The following DCC variants were observed in gnomAD, a reference collection of about 807,000 sequenced individuals.
The protein encoded by DCC is DCC netrin 1 receptor, also known as netrin receptor DCC.
DCC carries 58 observed loss-of-function variants against 172.5 expected under a neutral mutation model. That is an observed-to-expected ratio of 0.34 (90% CI 0.27 to 0.42). The LOEUF (loss-of-function observed/expected upper bound fraction) is 0.42, where lower values mean the gene tolerates loss of function less well. DCC is among the 10% of genes least tolerant of loss of function. The pLI is 1.00. For missense variants in DCC, 1,740 were observed against 1,791.0 expected (o/e 0.97, Z 0.51); for synonymous variants, 709 against 644.5 (o/e 1.10, Z -1.52).
At chr18:53,257,865 A>G (rs2056542088) in intron 12 of DCC, among the ~76,000 whole-genome samples, 1 of 152,182 alleles carries the variant, frequency 6.6e-6, no homozygotes, top group African/African-American at 2.4e-5. Context: ...TTGGTAAGCT[A>G]TTAATTGTTG....
intron 1 of DCC, among the ~76,000 whole-genome samples, chr18:52,360,090 G>T (rs1427410866): frequency 1.3e-5 from 2 of 151,410 alleles, no homozygotes; most frequent in African/African-American, 2.4e-5. Flanking sequence ...TTATTTTTTT[G>T]CAAATCACAT....
At chr18:52,483,116 T>C (rs545209437) in intron 1 of DCC, among the ~76,000 whole-genome samples, 4 of 152,210 alleles carry the variant, frequency 2.6e-5, no homozygotes, top group Non-Finnish European at 5.9e-5. Flanking sequence ...TCCCTCTTCA[T>C]ATGGCCTTCT....
intron 12 of DCC, among the ~76,000 whole-genome samples, chr18:53,249,194 G>T (rs537646713): frequency 6.6e-6 from 1 of 152,078 alleles, no homozygotes; most frequent in African/African-American, 2.4e-5. Context: ...AGTTTGCAGA[G>T]TTGGTTCACT....
chr18:53,336,168 A>G (rs1369277382), intron 14 of DCC, among the ~76,000 whole-genome samples: 1 of 152,194 alleles, frequency 6.6e-6, no homozygotes, highest in Non-Finnish European at 1.5e-5. Flanking sequence ...CATATGTGCA[A>G]GCAGCATCTT....
chr18:52,734,970 A>G (rs2145100908), intron 1 of DCC, among the ~76,000 whole-genome samples: 1 of 152,314 alleles, frequency 6.6e-6, no homozygotes, highest in East Asian at 1.9e-4. Flanking sequence ...AATTCTTATA[A>G]GAAAATGCCT....
At chr18:53,261,796 G>T (rs560578476) in intron 12 of DCC, among the ~76,000 whole-genome samples, 20 of 152,122 alleles carry the variant, frequency 1.3e-4, no homozygotes, top group Admixed American at 2.6e-4. Context: ...ACTGCGACCG[G>T]CCATTTATGA....
At chr18:52,481,752 G>A (rs980222779) in intron 1 of DCC, among the ~76,000 whole-genome samples, 1 of 151,928 alleles carries the variant, frequency 6.6e-6, no homozygotes, top group African/African-American at 2.4e-5. Flanking sequence ...TGCTGTGTAT[G>A]TTGCCTCAAG....
intron 2 of DCC, among the ~76,000 whole-genome samples, chr18:52,899,521 T>C (rs1441876457): frequency 2.0e-5 from 3 of 151,840 alleles, no homozygotes; most frequent in Admixed American, 1.3e-4. Context: ...GCCCATCTAA[T>C]TTTTTGTATT....
chr18:53,009,817 C>T (rs376514094), intron 5 of DCC, among the ~76,000 whole-genome samples: 2 of 151,848 alleles, frequency 1.3e-5, no homozygotes, highest in Non-Finnish European at 2.9e-5. Context: ...CATATGCTTC[C>T]CCTGCAGGCT....
intron 2 of DCC, among the ~76,000 whole-genome samples, chr18:52,757,511 C>T (rs2037094841): frequency 6.6e-6 from 1 of 152,132 alleles, no homozygotes; most frequent in South Asian, 2.1e-4. Flanking sequence ...ACCCACACAG[C>T]TCCTTGTCCA....
chr18:53,451,710 G>GCTCT (rs371232356), intron 23 of DCC, among the ~76,000 whole-genome samples: 15,800 of 147,284 alleles, frequency 0.11, 1,808 homozygotes, highest in African/African-American at 0.29. Flanking sequence ...GCTCGCTCTT[G>GCTCT]CTCTCTCTCT....
intron 7 of DCC, among the ~76,000 whole-genome samples, chr18:53,137,115 A>G (rs1479318776): frequency 6.6e-6 from 1 of 152,228 alleles, no homozygotes; most frequent in Non-Finnish European, 1.5e-5. Context: ...ATTAGTGTAT[A>G]ACAAATTACT....
chr18:53,321,714 G>T (rs541857433), intron 13 of DCC, among the ~76,000 whole-genome samples: 1 of 151,972 alleles, frequency 6.6e-6, no homozygotes, highest in African/African-American at 2.4e-5. Flanking sequence ...ATTTATAGAC[G>T]TGGATCTTCT....
chr18:52,636,622 GGTATACAACTCCA>G (rs937231695), intron 1 of DCC, among the ~76,000 whole-genome samples: 69 of 152,078 alleles, frequency 4.5e-4, no homozygotes, highest in African/African-American at 1.6e-3. Flanking sequence ...AATCCTCCTA[GGTATACAACTCCA>G]GTATACAACT....
intron 5 of DCC, among the ~76,000 whole-genome samples, chr18:52,998,875 A>G (rs889771153): frequency 2.0e-5 from 3 of 151,994 alleles, no homozygotes; most frequent in African/African-American, 7.2e-5. Flanking sequence ...AAACTGAATT[A>G]GCAATTAAAT....
chr18:53,465,004 GAAGAAAAA>G (rs1487147989), intron 24 of DCC, among the ~76,000 whole-genome samples: 79 of 141,204 alleles, frequency 5.6e-4, no homozygotes, highest in Non-Finnish European at 1.0e-3. Flanking sequence ...AAAAAAAAGA[GAAGAAAAA>G]AAGAAAAAGA....
intron 12 of DCC, among the ~76,000 whole-genome samples, chr18:53,270,931 G>A (rs1037485467): frequency 6.6e-6 from 1 of 151,960 alleles, no homozygotes; most frequent in African/African-American, 2.4e-5. Flanking sequence ...CATTCAACTG[G>A]CTTAATTCTC....
At chr18:52,656,616 C>T (rs991868031) in intron 1 of DCC, among the ~76,000 whole-genome samples, 12 of 152,162 alleles carry the variant, frequency 7.9e-5, no homozygotes, top group East Asian at 3.9e-4. Flanking sequence ...TCCCATGCTA[C>T]GCTCTAACTT....
Position 53,305,702 on chromosome 18 carries a change from T to G in DCC, c.2036T>G (p.Leu679Arg), listed in dbSNP as rs2271042. The G allele has an allele frequency of 2.9e-5, 47 of 1,613,804 alleles. No individual in the cohort carries two copies. In the East Asian group the frequency reaches 1.0e-3, roughly 35 times the overall value. The change falls in exon 13 of 29, where the codon CTC (leucine) becomes CGC (arginine). Residue 679 changes from leucine to arginine, a missense_variant. By Grantham distance (102) the Leu-to-Arg change is moderately radical (BLOSUM62 -2). This residue lies in a region of DCC where 1,732 missense variants were observed against 1,767.4 expected (regional missense o/e 0.98). Coordinates refer to ENST00000442544, the MANE Select transcript of DCC (RefSeq NM_005215.4). Reference protein sequence around the residue: ...GEMETLEPNNLWYLFTGLEKG... With the variant: ...GEMETLEPNNRWYLFTGLEKG... ...ATGGAAACACTGGAGCCAAACAACC[T>G]CTGGTACCTATTCACAGGTCAGTGT...
Sources: gnomAD v4.1 joint callset for allele counts (sites outside exome capture counted in the v4.1 genomes callset) on GRCh38, gnomAD v4.1.1 for gene constraint, gnomAD v4.1.1 regional missense constraint, MANE v1.5 for transcripts, NCBI Gene and HGNC (gene_info 2026-07-23, HGNC 2026-07-21) for gene names.